TRMT11: variants seen among roughly 807,000 people sequenced by gnomAD.
TRMT11 encodes the protein tRNA methyltransferase 11, also known as tRNA (guanine(10)-N(2))-methyltransferase TRMT11.
Under a neutral mutation model 62.8 loss-of-function variants are expected in TRMT11, and 53 were observed. The observed-to-expected ratio is 0.84, with a 90% CI of 0.68 to 1.06. TRMT11 has a LOEUF of 1.06. Ranked by LOEUF, TRMT11 falls within the 50% of genes least tolerant of loss-of-function variation. The probability of loss-of-function intolerance (pLI) is 0.00; values close to 1 mark genes in which losing one functional copy is unlikely to be tolerated. For missense variants in TRMT11, 556 were observed against 553.4 expected (o/e 1.00, Z -0.05); for synonymous variants, 188 against 190.3 (o/e 0.99, Z 0.10).
At chr6:126,068,818 CT>C (rs1776762397) in intron 17 of TRMT11, among the ~76,000 whole-genome samples, 1 of 151,920 alleles carries the variant, frequency 6.6e-6, no homozygotes. Flanking sequence ...ATCTTTTTTT[CT>C]TTCTGTTTTT....
the TRMT11 span, among the ~76,000 whole-genome samples, chr6:126,238,772 C>T: frequency 1.3e-5 from 2 of 152,186 alleles, no homozygotes; most frequent in African/African-American, 2.4e-5. Context: ...TCCTTGTTAA[C>T]TTTCTGTCTC....
At chr6:126,122,661 G>A (rs968730494) in intron 21 of TRMT11, among the ~76,000 whole-genome samples, 4 of 152,096 alleles carry the variant, frequency 2.6e-5, no homozygotes, top group Non-Finnish European at 5.9e-5. Context: ...CTTAGCTTTA[G>A]ATCTTACCCT....
In TRMT11 at chr6:125,998,076, A is replaced by G. The variant is rs769529034; in HGVS notation, c.236A>G (p.His79Arg). ...CAKSIFELWG[H>R]GQSPEELYSS... ...AGGTCTATATTTGAACTATGGGGTC[A>G]TGGACAATCTCCTGAGGAGCTGTAC... The change falls in exon 4 of 13, where the codon CAT becomes CGT. Residue 79 changes from histidine to arginine, a missense_variant. Physicochemically the swap from His to Arg is conservative, Grantham distance 29 (BLOSUM62 0). Coordinates refer to ENST00000334379, the MANE Select transcript of TRMT11 (RefSeq NM_001031712.3). The G allele has an allele frequency of 6.2e-7, 1 of 1,613,030 alleles. No individual in the cohort carries two copies. The highest frequency in any genetic ancestry group is 8.5e-7 in the Non-Finnish European group (1 of 1,179,332).
intron 17 of TRMT11, among the ~76,000 whole-genome samples, chr6:126,060,727 G>T (rs1776512186): frequency 6.6e-6 from 1 of 152,146 alleles, no homozygotes; most frequent in African/African-American, 2.4e-5. Context: ...TTTTTCTTTT[G>T]ATTGAGAAAT....
the TRMT11 span, chr6:126,258,217 TG>T: frequency 4.4e-5 from 29 of 654,902 alleles, 1 homozygote; most frequent in East Asian, 9.9e-4. Flanking sequence ...GGCGCCTCAC[TG>T]GGCCCTTATC....
At chr6:126,258,556 C>A in the TRMT11 span, among the ~76,000 whole-genome samples, 3 of 152,350 alleles carry the variant, frequency 2.0e-5, no homozygotes, top group South Asian at 6.2e-4. Context: ...AATCAATTTT[C>A]TCACTCTTTG....
At chr6:126,249,510 C>G in the TRMT11 span, among the ~76,000 whole-genome samples, 1 of 152,038 alleles carries the variant, frequency 6.6e-6, no homozygotes, top group African/African-American at 2.4e-5. Context: ...ATAGACAAAG[C>G]AGAGTTACTT....
At chr6:126,195,321 T>C (rs1778652466) in intron 1 of TRMT11, among the ~76,000 whole-genome samples, 1 of 152,226 alleles carries the variant, frequency 6.6e-6, no homozygotes, top group Admixed American at 6.5e-5. Context: ...GTAAGCAATA[T>C]GAATATAATC....
chr6:126,055,989 C>T (rs10485178), intron 17 of TRMT11, among the ~76,000 whole-genome samples: 5,093 of 152,256 alleles, frequency 0.033, 119 homozygotes, highest in Non-Finnish European at 0.052. Flanking sequence ...GATGGCTTAG[C>T]TCAATGTCAA....
At chr6:126,227,203 G>T in the TRMT11 span, among the ~76,000 whole-genome samples, 1 of 152,150 alleles carries the variant, frequency 6.6e-6, no homozygotes, top group South Asian at 2.1e-4. Flanking sequence ...CCCCACAAAG[G>T]ACTGAAGTAG....
chr6:126,227,142 A>C, the TRMT11 span, among the ~76,000 whole-genome samples: 1 of 152,218 alleles, frequency 6.6e-6, no homozygotes, highest in African/African-American at 2.4e-5. Context: ...TACAATAGAT[A>C]TTGATTTTTA....
chr6:126,020,169 A>C (rs556340016), intron 11 of TRMT11, among the ~76,000 whole-genome samples: 3 of 152,246 alleles, frequency 2.0e-5, no homozygotes, highest in Non-Finnish European at 4.4e-5. Flanking sequence ...GGTCCTTTAC[A>C]TGAAAAACTA....
the TRMT11 span, among the ~76,000 whole-genome samples, chr6:126,225,043 T>C: frequency 1.3e-5 from 2 of 152,166 alleles, no homozygotes; most frequent in Non-Finnish European, 2.9e-5. Flanking sequence ...GGTGCTCAGA[T>C]CAGACTGGCC....
the TRMT11 span, chr6:126,258,031 T>G: frequency 3.5e-6 from 5 of 1,431,140 alleles, no homozygotes; most frequent in Non-Finnish European, 4.9e-6. Flanking sequence ...TCCTCGACCC[T>G]GGCAGCCTGG....
chr6:126,181,624 A>T (rs1778467858), intron 1 of TRMT11, among the ~76,000 whole-genome samples: 2 of 152,216 alleles, frequency 1.3e-5, no homozygotes, highest in South Asian at 4.1e-4. Flanking sequence ...TCTGATTTAA[A>T]AGAAAAGGGC....
At chr6:126,108,067 G>T (rs1387824593) in intron 17 of TRMT11, among the ~76,000 whole-genome samples, 1 of 152,132 alleles carries the variant, frequency 6.6e-6, no homozygotes, top group Non-Finnish European at 1.5e-5. Context: ...ACATGTTTTT[G>T]TCTCATATTC....
intron 1 of TRMT11, among the ~76,000 whole-genome samples, chr6:126,179,483 T>G (rs1325021142): frequency 1.3e-5 from 2 of 152,214 alleles, no homozygotes; most frequent in African/African-American, 4.8e-5. Context: ...GTCCTCTTTT[T>G]AGAAACATTC....
intron 1 of TRMT11, among the ~76,000 whole-genome samples, chr6:126,196,094 A>C (rs897267039): frequency 5.3e-5 from 8 of 152,196 alleles, no homozygotes; most frequent in Admixed American, 5.2e-4. Context: ...CAGTGAGATA[A>C]AATACTTTGT....
intron 1 of TRMT11, among the ~76,000 whole-genome samples, chr6:125,987,407 T>C (rs9388465): frequency 0.7 from 106,146 of 152,066 alleles, 37,489 homozygotes; most frequent in East Asian, 0.95. Context: ...TCACTAGTTA[T>C]GTGGCAGAGT....
Sources: gnomAD v4.1 joint callset for allele counts (sites outside exome capture counted in the v4.1 genomes callset) on GRCh38, gnomAD v4.1.1 for gene constraint, MANE v1.5 for transcripts, NCBI Gene and HGNC (gene_info 2026-07-23, HGNC 2026-07-21) for gene names.